The following RIC1 variants were observed in gnomAD, a reference collection of about 807,000 sequenced individuals.
RIC1 encodes guanine nucleotide exchange factor subunit RIC1.
In RIC1, 88 loss-of-function variants were observed where a neutral mutation model predicts 169.0. The ratio of observed to expected loss-of-function variants is 0.52; its 90% CI spans 0.44 to 0.62. The LOEUF (loss-of-function observed/expected upper bound fraction) is 0.62, where lower values mean the gene tolerates loss of function less well. Ranked by LOEUF, RIC1 falls within the 20% of genes least tolerant of loss-of-function variation. RIC1 has a pLI of 0.00. For synonymous variants in RIC1, 790 were observed against 601.5 expected, an observed-to-expected ratio of 1.31 and a Z score of -4.59; for missense variants, 1,877 against 1,725.5, an observed-to-expected ratio of 1.09 and a Z score of -1.56.
chr9:5,693,549 C>G (rs573141553), intron 3 of RIC1, among the ~76,000 whole-genome samples: 18 of 152,116 alleles, frequency 1.2e-4, no homozygotes, highest in Non-Finnish European at 2.4e-4. Flanking sequence ...TACATTATCT[C>G]TTCATATTAG....
At chr9:5,731,882 A>G (rs1824390676) in intron 6 of RIC1, among the ~76,000 whole-genome samples, 1 of 152,184 alleles carries the variant, frequency 6.6e-6, no homozygotes, top group Non-Finnish European at 1.5e-5. Flanking sequence ...GCTTCCAGAT[A>G]CCATGCTATT....
rs539836930 is a variant in RIC1 at position 5,712,897 on chromosome 9, C to T, written c.333-999C>T. The T allele has an allele frequency of 1.1e-4, 16 of 152,124 alleles. No individual in the cohort carries two copies. The South Asian group carries it at 3.3e-3, about 32-fold the overall frequency. 9.4% of individuals were successfully genotyped at this position (152,124 alleles called of 1,614,324 possible). A position where few individuals can be genotyped will look rare whatever the true frequency, so the allele number is the denominator to read the frequency against. ...CTTAGAAGGAATTAAGTAAGTACTC[C>T]AGTTCATAGTAGTAGCAGGATAGAA... On this transcript the variant is annotated intron_variant, in intron 3 of 25. Coordinates refer to ENST00000414202, the MANE Select transcript of RIC1 (RefSeq NM_020829.4).
At chr9:5,770,328 A>T in intron 23 of RIC1, 50 bp downstream of exon 23, 1 of 1,475,106 alleles carries the variant, frequency 6.8e-7, no homozygotes, top group Non-Finnish European at 9.4e-7. Flanking sequence ...AAGAAAATTT[A>T]TGTGCTATAG....
chr9:5,692,956 C>A (rs1228108481), intron 3 of RIC1, among the ~76,000 whole-genome samples: 1 of 152,052 alleles, frequency 6.6e-6, no homozygotes, highest in Non-Finnish European at 1.5e-5. Context: ...CACCCATAGT[C>A]ACACGCGAAT....
chr9:5,706,735 C>T (rs1034001438), intron 3 of RIC1, among the ~76,000 whole-genome samples: 2 of 152,126 alleles, frequency 1.3e-5, no homozygotes, highest in Non-Finnish European at 2.9e-5. Context: ...TGTTAGCATT[C>T]AGTTGTTTAC....
intron 3 of RIC1, among the ~76,000 whole-genome samples, chr9:5,709,496 G>T (rs1187710814): frequency 6.6e-6 from 1 of 152,166 alleles, no homozygotes; most frequent in African/African-American, 2.4e-5. Flanking sequence ...TGAAAAAGTG[G>T]AGATAATTCC....
intron 3 of RIC1, among the ~76,000 whole-genome samples, chr9:5,693,224 T>C (rs1315232338): frequency 6.6e-6 from 1 of 152,146 alleles, no homozygotes; most frequent in Non-Finnish European, 1.5e-5. Context: ...TTGTCTCTCG[T>C]TTCTCTTCTG....
intron 14 of RIC1, 99 bp from the exon 15 acceptor site, chr9:5,754,742 A>C: frequency 1.5e-6 from 1 of 686,502 alleles, no homozygotes. Flanking sequence ...AAATAATAAT[A>C]ATTTGAGCTT....
chr9:5,647,805 C>A (rs1425451038), intron 1 of RIC1, among the ~76,000 whole-genome samples: 1 of 152,144 alleles, frequency 6.6e-6, no homozygotes, highest in African/African-American at 2.4e-5. Flanking sequence ...TAAGAATGGG[C>A]ATCTTTGTCT....
At chr9:5,648,236 G>A (rs1257725640) in intron 1 of RIC1, among the ~76,000 whole-genome samples, 9 of 152,152 alleles carry the variant, frequency 5.9e-5, no homozygotes, top group Non-Finnish European at 7.4e-5. Flanking sequence ...CACCTGTCTC[G>A]GCCTCCTGAA....
chr9:5,736,676 T>C (rs1188321893), intron 7 of RIC1, among the ~76,000 whole-genome samples: 1 of 152,154 alleles, frequency 6.6e-6, no homozygotes, highest in Non-Finnish European at 1.5e-5. Flanking sequence ...AGAAAAAGAC[T>C]GAAATTAAAC....
chr9:5,738,563 T>A, intron 8 of RIC1, 25 bp downstream of exon 8: 1 of 1,385,710 alleles, frequency 7.2e-7, no homozygotes, highest in Non-Finnish European at 9.8e-7. Context: ...TTTTTTTTTT[T>A]TTTAACATTT....
chr9:5,660,718 A>G (rs746300509), intron 2 of RIC1, among the ~76,000 whole-genome samples: 2 of 151,292 alleles, frequency 1.3e-5, no homozygotes, highest in Admixed American at 6.6e-5. Flanking sequence ...CTTGTAAGTT[A>G]TTAAGTTCAT....
intron 7 of RIC1, among the ~76,000 whole-genome samples, chr9:5,735,678 GGTGA>G (rs757349255): frequency 1.3e-5 from 2 of 152,226 alleles, no homozygotes; most frequent in Non-Finnish European, 2.9e-5. Context: ...TTGAACACTA[GGTGA>G]TAGCTGGTGT....
chr9:5,680,815 A>ATTTTTTTTTTTTTTTTTT (rs66478510), intron 2 of RIC1, among the ~76,000 whole-genome samples: 1 of 57,766 alleles, frequency 1.7e-5, no homozygotes, highest in African/African-American at 5.7e-5. Flanking sequence ...GCAGTCATTG[A>ATTTTTTTTTTTTTTTTTT]TTTTTTTTTT....
Position 5,767,154 on chromosome 9 carries a change from T to C in RIC1, c.3137+1356T>C, listed in dbSNP as rs188005595. Among the ~76,000 whole-genome samples, 416 of 152,378 alleles carry C rather than the reference T, an allele frequency of 2.7e-3. 3 individuals are homozygous for C. Among genetic ancestry groups the C allele is most frequent in the African/African-American group, 9.5e-3 (395 of 41,598 alleles). On this transcript the variant is annotated intron_variant, in intron 21 of 25. Transcript: ENST00000414202. ...ATCTGTAGGTAATCCAAAAGCCTTC[T>C]TAAAGTCGTAATTTTACCTTTCCTT...
At chr9:5,641,260 T>A (rs1818230008) in intron 1 of RIC1, among the ~76,000 whole-genome samples, 2 of 151,770 alleles carry the variant, frequency 1.3e-5, no homozygotes, top group African/African-American at 4.8e-5. Context: ...CCCGGCTAAT[T>A]TTTTGTATTT....
chr9:5,745,093 A>G (rs1825301417), intron 10 of RIC1, among the ~76,000 whole-genome samples: 2 of 152,208 alleles, frequency 1.3e-5, no homozygotes, highest in South Asian at 2.1e-4. Flanking sequence ...ATAAATACCA[A>G]TCAGTGCTTC....
intron 22 of RIC1, 157 bp downstream of exon 22, chr9:5,769,413 G>A (rs1369440974): frequency 6.4e-7 from 1 of 1,557,940 alleles, no homozygotes; most frequent in Admixed American, 1.9e-5. Context: ...AATGCCCACT[G>A]TTTGACCAAA....
Sources: gnomAD v4.1 joint callset for allele counts (sites outside exome capture counted in the v4.1 genomes callset) on GRCh38, gnomAD v4.1.1 for gene constraint, MANE v1.5 for transcripts, NCBI Gene and HGNC (gene_info 2026-07-23, HGNC 2026-07-21) for gene names.